The following NCAM2 variants were observed in gnomAD, a reference collection of about 807,000 sequenced individuals.
The protein encoded by NCAM2 is neural cell adhesion molecule 2, also known as N-CAM-2.
A neutral mutation model predicts 98.1 loss-of-function variants in NCAM2; 30 were observed. The ratio of observed to expected loss-of-function variants is 0.31; its 90% CI spans 0.23 to 0.41. The LOEUF is 0.41. NCAM2 is among the 10% of genes least tolerant of loss of function. The probability of loss-of-function intolerance (pLI) is 1.00; values close to 1 mark genes in which losing one functional copy is unlikely to be tolerated. For synonymous variants in NCAM2, 368 were observed against 342.4 expected (o/e 1.07, Z -0.83); for missense variants, 867 against 1,005.8 (o/e 0.86, Z 1.87).
chr21:21,346,915 C>CA (rs1427673116), intron 8 of NCAM2, among the ~76,000 whole-genome samples: 1 of 150,914 alleles, frequency 6.6e-6, no homozygotes, highest in African/African-American at 2.4e-5. Context: ...GAGCCTCCAT[C>CA]AAAAAAAGAG....
chr21:21,052,172 T>C (rs1470608406), intron 1 of NCAM2, among the ~76,000 whole-genome samples: 3 of 97,328 alleles, frequency 3.1e-5, no homozygotes, highest in African/African-American at 1.2e-4. Context: ...TTTTTTTTTT[T>C]TTTGAGACGG....
chr21:21,041,450 A>G (rs984489363), intron 1 of NCAM2, among the ~76,000 whole-genome samples: 2 of 152,178 alleles, frequency 1.3e-5, no homozygotes, highest in African/African-American at 4.8e-5. Flanking sequence ...TTTGAGAGTG[A>G]TTTTAAGAAG....
chr21:21,345,836 C>T (rs1057449898), intron 8 of NCAM2, among the ~76,000 whole-genome samples: 4 of 151,938 alleles, frequency 2.6e-5, no homozygotes, highest in Admixed American at 6.6e-5. Context: ...AGACTTGCTG[C>T]GTCCAAATAA....
intron 1 of NCAM2, among the ~76,000 whole-genome samples, chr21:21,218,846 C>G (rs2070017950): frequency 6.6e-6 from 1 of 152,204 alleles, no homozygotes; most frequent in Non-Finnish European, 1.5e-5. Flanking sequence ...GTGTTCAAGT[C>G]TAGCCTGGCC....
intron 15 of NCAM2, among the ~76,000 whole-genome samples, chr21:21,484,864 TA>T (rs1412779909): frequency 6.6e-6 from 1 of 152,180 alleles, no homozygotes; most frequent in Non-Finnish European, 1.5e-5. Context: ...TTGACCTTGT[TA>T]AATAGCATGT....
chr21:21,186,509 A>G (rs1034139650), intron 1 of NCAM2, among the ~76,000 whole-genome samples: 1 of 152,194 alleles, frequency 6.6e-6, no homozygotes, highest in African/African-American at 2.4e-5. Context: ...AATGGATAAG[A>G]AACAGTTTAG....
intron 1 of NCAM2, among the ~76,000 whole-genome samples, chr21:21,002,608 A>T (rs1309803462): frequency 2.0e-5 from 3 of 152,092 alleles, no homozygotes; most frequent in Admixed American, 6.6e-5. Context: ...GTCTTTTAAC[A>T]TTTGGGAAAT....
At chr21:21,371,403 A>C (rs2075911628) in intron 8 of NCAM2, among the ~76,000 whole-genome samples, 3 of 151,802 alleles carry the variant, frequency 2.0e-5, no homozygotes, top group Non-Finnish European at 2.9e-5. Flanking sequence ...GAATGAGGCA[A>C]ACAGAATACC....
At chr21:21,344,235 C>A (rs1476629789) in intron 8 of NCAM2, among the ~76,000 whole-genome samples, 1 of 152,166 alleles carries the variant, frequency 6.6e-6, no homozygotes, top group Non-Finnish European at 1.5e-5. Context: ...GAATAATCCA[C>A]AGTGATACCC....
chr21:21,456,569 A>T (rs539314558), intron 12 of NCAM2, among the ~76,000 whole-genome samples: 2 of 152,182 alleles, frequency 1.3e-5, no homozygotes, highest in South Asian at 4.1e-4. Context: ...TTAAATTTTA[A>T]AAAGATCTTA....
At chr21:21,061,449 G>A (rs9680249) in intron 1 of NCAM2, among the ~76,000 whole-genome samples, 5,262 of 152,158 alleles carry the variant, frequency 0.035, 316 homozygotes, top group African/African-American at 0.12. Context: ...CAGTCTTGAT[G>A]AACATTCATG....
intron 1 of NCAM2, among the ~76,000 whole-genome samples, chr21:21,081,465 G>T (rs1484406452): frequency 6.6e-6 from 1 of 152,020 alleles, no homozygotes; most frequent in East Asian, 1.9e-4. Context: ...GCCTATTCCT[G>T]ACTAGCTACC....
At chr21:21,090,258 AT>A (rs1488933271) in intron 1 of NCAM2, among the ~76,000 whole-genome samples, 2 of 152,214 alleles carry the variant, frequency 1.3e-5, no homozygotes, top group African/African-American at 4.8e-5. Context: ...AATATTAAAA[AT>A]ATGCAGGTTT....
chr21:21,375,665 AT>A (rs1052321039), intron 9 of NCAM2, among the ~76,000 whole-genome samples: 2 of 151,488 alleles, frequency 1.3e-5, no homozygotes, highest in African/African-American at 4.8e-5. Context: ...CATTTGTTAT[AT>A]TTTTAATTAA....
At chr21:21,464,387 G>A (rs1424385407) in intron 12 of NCAM2, among the ~76,000 whole-genome samples, 2 of 152,008 alleles carry the variant, frequency 1.3e-5, no homozygotes, top group Admixed American at 1.3e-4. Context: ...TATAGCATGG[G>A]GCGTATGAGC....
At chr21:21,000,720 A>G (rs1465448692) in intron 1 of NCAM2, among the ~76,000 whole-genome samples, 1 of 152,030 alleles carries the variant, frequency 6.6e-6, no homozygotes, top group Non-Finnish European at 1.5e-5. Context: ...TATCAGAGAG[A>G]CGTAGCTTTT....
At chr21:21,272,514 A>AGTG (rs1361955943) in intron 1 of NCAM2, among the ~76,000 whole-genome samples, 2 of 142,516 alleles carry the variant, frequency 1.4e-5, no homozygotes, top group Admixed American at 6.9e-5. Flanking sequence ...GCGCGCACAC[A>AGTG]CACACACACA....
chr21:21,206,808 G>A (rs1210377647), intron 1 of NCAM2, among the ~76,000 whole-genome samples: 1 of 152,074 alleles, frequency 6.6e-6, no homozygotes, highest in African/African-American at 2.4e-5. Flanking sequence ...ATGCATGCAT[G>A]TATTCAACAG....
intron 9 of NCAM2, among the ~76,000 whole-genome samples, chr21:21,387,990 G>A (rs914907363): frequency 1.3e-5 from 2 of 152,182 alleles, no homozygotes; most frequent in South Asian, 2.1e-4. Flanking sequence ...TAATTATCAC[G>A]TTGGAAACTG....
Sources: allele counts gnomAD v4.1 joint callset (sites outside exome capture counted in the v4.1 genomes callset), GRCh38; gene constraint gnomAD v4.1.1; transcripts MANE v1.5; gene names NCBI Gene and HGNC (gene_info 2026-07-23, HGNC 2026-07-21).